Variants in SCPEP1 observed in about 807,000 individuals in gnomAD.
The protein encoded by SCPEP1 is serine carboxypeptidase 1, also known as retinoid-inducible serine carboxypeptidase.
Under a neutral mutation model 63.8 loss-of-function variants are expected in SCPEP1, and 51 were observed. That is an observed-to-expected ratio of 0.80 (90% confidence interval 0.64 to 1.01). SCPEP1 has a LOEUF of 1.01. SCPEP1 is among the 50% of genes least tolerant of loss of function. The pLI is 0.00. For missense variants in SCPEP1, 499 were observed against 554.9 expected (o/e 0.90, Z 1.01); for synonymous variants, 204 against 207.8 (o/e 0.98, Z 0.16).
chr17:56,979,702 C>G (rs1911016132), intron 1 of SCPEP1, among the ~76,000 whole-genome samples: 1 of 152,142 alleles, frequency 6.6e-6, no homozygotes, highest in Non-Finnish European at 1.5e-5. Flanking sequence ...AAAAAATCAT[C>G]TACATGAGTT....
chr17:57,001,941 A>G (rs1911749670), intron 11 of SCPEP1, 77 bp from the exon 12 acceptor site: 2 of 1,487,170 alleles, frequency 1.3e-6, no homozygotes, highest in South Asian at 2.6e-5. Context: ...GGGAAGCACC[A>G]ACTTTTAGGA....
Position 56,987,855 on chromosome 17 carries a change from G to A in SCPEP1, c.471+5G>A. ...AGTTGCCACAAAGAATTCCAGGTAAGCAAAGACTCAGGAACAGCTAAGTAA... is the reference window on the plus strand; with the variant it reads ...AGTTGCCACAAAGAATTCCAGGTAAACAAAGACTCAGGAACAGCTAAGTAA... On this transcript the variant is annotated splice_donor_5th_base_variant and intron_variant, in intron 4 of 12. Transcript: ENST00000262288. 1 of 1,613,976 alleles carries A rather than the reference G, an allele frequency of 6.2e-7. No homozygotes were observed. The highest frequency in any genetic ancestry group is 8.5e-7 in the Non-Finnish European group (1 of 1,179,940).
chr17:56,987,663 T>A, intron 3 of SCPEP1, 32 bp from the exon 4 acceptor site: 4 of 1,604,012 alleles, frequency 2.5e-6, no homozygotes, highest in Non-Finnish European at 3.4e-6. Context: ...AATGTCTGAT[T>A]GCAACATTTC....
At chr17:56,979,699 CA>C (rs1309383019) in intron 1 of SCPEP1, among the ~76,000 whole-genome samples, 2 of 152,100 alleles carry the variant, frequency 1.3e-5, no homozygotes, top group African/African-American at 4.8e-5. Flanking sequence ...TTAAAAAAAT[CA>C]TCTACATGAG....
chr17:56,997,663 A>G (rs1362214221), intron 9 of SCPEP1, among the ~76,000 whole-genome samples: 3 of 152,212 alleles, frequency 2.0e-5, no homozygotes, highest in Non-Finnish European at 4.4e-5. Flanking sequence ...ACAGGTTTCA[A>G]GAATTATTAA....
chr17:56,999,547 G>A (rs1597922336), intron 10 of SCPEP1, among the ~76,000 whole-genome samples: 1 of 152,194 alleles, frequency 6.6e-6, no homozygotes, highest in East Asian at 1.9e-4. Context: ...ACGATTTGCT[G>A]CTGCTGGGAG....
At chr17:57,004,392 A>G (rs1041109191) in intron 12 of SCPEP1, among the ~76,000 whole-genome samples, 5 of 152,200 alleles carry the variant, frequency 3.3e-5, no homozygotes, top group African/African-American at 7.2e-5. Flanking sequence ...CTTAATCTAA[A>G]GGGAGAACAA....
chr17:56,996,284 A>G (rs2144499054), intron 8 of SCPEP1, among the ~76,000 whole-genome samples: 1 of 152,092 alleles, frequency 6.6e-6, no homozygotes, highest in East Asian at 1.9e-4. Flanking sequence ...GGCTCACTGC[A>G]ACCTCTGCCT....
At chr17:56,989,904 G>A (rs146825063) in intron 5 of SCPEP1, among the ~76,000 whole-genome samples, 116 of 151,892 alleles carry the variant, frequency 7.6e-4, no homozygotes, top group African/African-American at 1.9e-3. Flanking sequence ...CTGAGATTGC[G>A]CCTCTAGTCT....
At chr17:57,000,760 G>T in intron 10 of SCPEP1, 95 bp from the exon 11 acceptor site, 2 of 1,428,802 alleles carry the variant, frequency 1.4e-6, no homozygotes. Context: ...TTCAGTCGTT[G>T]TTCGGTGCTG....
chr17:56,987,061 G>A (rs896785402), intron 3 of SCPEP1: 4 of 152,300 alleles, frequency 2.6e-5, no homozygotes, highest in African/African-American at 9.7e-5. Context: ...CAGTCCTGAT[G>A]CTGCCACTGC....
rs183279114 is a variant in SCPEP1 at position 56,979,649 on chromosome 17, C to T, written c.76+1414C>T. On this transcript the variant is annotated intron_variant, in intron 1 of 12. Transcript: ENST00000262288. ...ATTGGAGTTAGGGGATTATAGGATACGTATATTAAACACACATACACAGAT... is the reference window on the plus strand; with the variant it reads ...ATTGGAGTTAGGGGATTATAGGATATGTATATTAAACACACATACACAGAT... 3.4e-4 allele frequency among the ~76,000 whole-genome samples: 51 copies of T among 152,192 alleles called. No homozygotes were observed. In the South Asian group the frequency reaches 3.9e-3, roughly 12 times the overall value.
Position 56,991,097 on chromosome 17 carries a change from A to G in SCPEP1, c.547-2A>G. On this transcript the variant is annotated splice_acceptor_variant, in intron 5 of 12. Coordinates refer to ENST00000262288, the MANE Select transcript of SCPEP1 (RefSeq NM_021626.3). LOFTEE classifies it high-confidence loss of function. ...GAGGACGTTTCTTGTTTCCTCTTTC[A>G]GGCCATTCAGCGAGGGACCATCAAG... The G allele has an allele frequency of 1.2e-6, 2 of 1,612,904 alleles. No homozygotes were observed. Among genetic ancestry groups the G allele is most frequent in the Non-Finnish European group, 1.7e-6 (2 of 1,178,972 alleles).
intron 6 of SCPEP1, among the ~76,000 whole-genome samples, chr17:56,992,221 T>C (rs1419762194): frequency 6.6e-6 from 1 of 152,198 alleles, no homozygotes; most frequent in Non-Finnish European, 1.5e-5. Context: ...GGGATTTGCT[T>C]GTTACAGAGC....
At chr17:57,003,597 A>G (rs1174584556) in intron 12 of SCPEP1, among the ~76,000 whole-genome samples, 1 of 152,206 alleles carries the variant, frequency 6.6e-6, no homozygotes, top group Non-Finnish European at 1.5e-5. Flanking sequence ...AACAGAAGGC[A>G]GAAGAAGAGC....
At chr17:57,001,328 G>A (rs886753804) in intron 11 of SCPEP1, among the ~76,000 whole-genome samples, 9 of 152,096 alleles carry the variant, frequency 5.9e-5, no homozygotes, top group Non-Finnish European at 1.0e-4. Context: ...ATTTTTGTGC[G>A]ACATCACAGT....
Position 56,985,365 on chromosome 17 carries a change from C to T in SCPEP1, c.226-13C>T, listed in dbSNP as rs1226006235. 1.2e-6 allele frequency: 2 copies of T among 1,611,440 alleles called. No homozygotes were observed. Among genetic ancestry groups the T allele is most frequent in the Admixed American group, 3.3e-5 (2 of 59,896 alleles). The stretch of plus-strand genomic sequence containing the variant: ...TGACTAAAATTTTTGTTTGTTTCTT[C>T]TCTCTTCCATAGGGCGGTCCAGGCG... On this transcript the variant is annotated splice_polypyrimidine_tract_variant and intron_variant, in intron 2 of 12. Transcript: ENST00000262288.
intron 6 of SCPEP1, among the ~76,000 whole-genome samples, chr17:56,991,671 G>A (rs9303389): frequency 0.79 from 120,791 of 152,268 alleles, 48,720 homozygotes; most frequent in Admixed American, 0.87. Flanking sequence ...CATCCGTGTT[G>A]CGAGCATAAA....
chr17:56,998,381 T>G lies in SCPEP1; in HGVS notation c.881-4T>G. 2 of 1,612,264 alleles carry G rather than the reference T, an allele frequency of 1.2e-6. No homozygotes were observed. The highest frequency in any genetic ancestry group is 4.5e-5 in the East Asian group (2 of 44,846). On this transcript the variant is annotated splice_polypyrimidine_tract_variant and splice_region_variant and intron_variant, in intron 9 of 12. Coordinates refer to ENST00000262288, the MANE Select transcript of SCPEP1 (RefSeq NM_021626.3). ...TGACTCACTATCTACCAGTTTGGTT[T>G]TAGTTTGTCTTTGTCAGCGCCACGT...
Sources: gnomAD v4.1 joint callset for allele counts (sites outside exome capture counted in the v4.1 genomes callset) on GRCh38, gnomAD v4.1.1 for gene constraint, MANE v1.5 for transcripts, NCBI Gene and HGNC (gene_info 2026-07-23, HGNC 2026-07-21) for gene names.